GPR158: variants seen among roughly 807,000 people sequenced by gnomAD.
GPR158 encodes G protein-coupled receptor 158.
In GPR158, 30 loss-of-function variants were observed where a neutral mutation model predicts 78.2. That is an observed-to-expected ratio of 0.38 (90% CI 0.29 to 0.52). The LOEUF is 0.52. Among genes scored for constraint, GPR158 ranks in the 20% least tolerant of loss-of-function variants. The pLI, the probability that GPR158 is intolerant of heterozygous loss-of-function variation, is 0.83. For synonymous variants in GPR158, 581 were observed against 591.1 expected (o/e 0.98, Z 0.25); for missense variants, 1,463 against 1,523.5 (o/e 0.96, Z 0.66).
At chr10:25,581,991 C>G (rs866495060) in intron 7 of GPR158, among the ~76,000 whole-genome samples, 2 of 151,998 alleles carry the variant, frequency 1.3e-5, no homozygotes, top group African/African-American at 4.8e-5. Flanking sequence ...CGGCAGGCAA[C>G]GAGAGAATGA....
intron 5 of GPR158, among the ~76,000 whole-genome samples, chr10:25,494,708 T>C (rs1378608266): frequency 2.0e-5 from 3 of 152,146 alleles, no homozygotes; most frequent in East Asian, 1.9e-4. Context: ...TTTAAACCAC[T>C]CCACAGCAAA....
intron 2 of GPR158, among the ~76,000 whole-genome samples, chr10:25,292,505 C>T (rs1472291152): frequency 6.8e-6 from 1 of 146,130 alleles, no homozygotes; most frequent in African/African-American, 2.7e-5. Flanking sequence ...TTCAATGCAA[C>T]CTTCCAGCAC....
intron 5 of GPR158, among the ~76,000 whole-genome samples, chr10:25,472,017 G>A (rs542989925): frequency 0.011 from 1,619 of 152,060 alleles, 28 homozygotes; most frequent in African/African-American, 0.037. Context: ...TTTTGGTGTT[G>A]TAGACATGAA....
chr10:25,376,054 T>C (rs1834075071), intron 2 of GPR158, among the ~76,000 whole-genome samples: 1 of 151,620 alleles, frequency 6.6e-6, no homozygotes, highest in African/African-American at 2.4e-5. Flanking sequence ...TTTGATTTCT[T>C]TAGCAGCATT....
intron 2 of GPR158, among the ~76,000 whole-genome samples, chr10:25,233,149 C>T (rs1035840310): frequency 3.9e-5 from 6 of 152,144 alleles, no homozygotes; most frequent in Admixed American, 3.9e-4. Context: ...GGATTTTGGT[C>T]CATGCGCTGT....
chr10:25,348,980 G>A (rs1483218318), intron 2 of GPR158, among the ~76,000 whole-genome samples: 1 of 152,010 alleles, frequency 6.6e-6, no homozygotes, highest in Non-Finnish European at 1.5e-5. Context: ...CTGATGGTCT[G>A]TGAAGAGGTG....
chr10:25,324,290 C>A (rs1440643316), intron 2 of GPR158, among the ~76,000 whole-genome samples: 1 of 152,186 alleles, frequency 6.6e-6, no homozygotes, highest in South Asian at 2.1e-4. Context: ...GAGAGACATG[C>A]AACTATTCCT....
intron 2 of GPR158, among the ~76,000 whole-genome samples, chr10:25,233,563 G>C (rs963254008): frequency 6.6e-6 from 1 of 152,186 alleles, no homozygotes; most frequent in Non-Finnish European, 1.5e-5. Context: ...GAGCAACCCT[G>C]CTTATGGGCT....
intron 2 of GPR158, among the ~76,000 whole-genome samples, chr10:25,379,189 G>A (rs965143890): frequency 1.3e-5 from 2 of 152,068 alleles, no homozygotes; most frequent in African/African-American, 2.4e-5. Context: ...TATTAATTTA[G>A]ATTTACTCGC....
At chr10:25,293,831 C>T (rs1044294652) in intron 2 of GPR158, among the ~76,000 whole-genome samples, 13 of 151,842 alleles carry the variant, frequency 8.6e-5, no homozygotes, top group African/African-American at 2.7e-4. Flanking sequence ...CTGAAACCTC[C>T]GCCTCCTGGG....
At chr10:25,557,587 C>T (rs1482890372) in intron 6 of GPR158, among the ~76,000 whole-genome samples, 2 of 152,044 alleles carry the variant, frequency 1.3e-5, no homozygotes, top group Non-Finnish European at 2.9e-5. Context: ...TGCAGAGGCC[C>T]CCAGCTAAAT....
At chr10:25,377,234 T>A (rs1834093014) in intron 2 of GPR158, among the ~76,000 whole-genome samples, 1 of 151,932 alleles carries the variant, frequency 6.6e-6, no homozygotes, top group Non-Finnish European at 1.5e-5. Flanking sequence ...CTTTTTTGTT[T>A]CTCTGTGTTT....
chr10:25,320,618 A>G (rs1349174070), intron 2 of GPR158, among the ~76,000 whole-genome samples: 1 of 152,180 alleles, frequency 6.6e-6, no homozygotes, highest in African/African-American at 2.4e-5. Context: ...CTGGTGTGTG[A>G]GTATGGCCTT....
At chr10:25,245,758 A>T (rs1199933157) in intron 2 of GPR158, among the ~76,000 whole-genome samples, 1 of 152,252 alleles carries the variant, frequency 6.6e-6, no homozygotes, top group Non-Finnish European at 1.5e-5. Context: ...TGTTTCCAAC[A>T]TAATCTTTTA....
intron 2 of GPR158, among the ~76,000 whole-genome samples, chr10:25,383,618 C>G (rs1343059056): frequency 6.6e-6 from 1 of 152,158 alleles, no homozygotes; most frequent in African/African-American, 2.4e-5. Flanking sequence ...AAAATTGTAA[C>G]AGGTGTGGGA....
At chr10:25,380,030 G>C (rs1254318164) in intron 2 of GPR158, among the ~76,000 whole-genome samples, 1 of 151,678 alleles carries the variant, frequency 6.6e-6, no homozygotes, top group Non-Finnish European at 1.5e-5. Flanking sequence ...AGGTGCTACA[G>C]CTTGCTAACA....
intron 2 of GPR158, among the ~76,000 whole-genome samples, chr10:25,232,712 T>C (rs964872206): frequency 6.6e-6 from 1 of 152,182 alleles, no homozygotes; most frequent in Admixed American, 6.5e-5. Flanking sequence ...ACATGAAGTA[T>C]TGAGATCACT....
rs373369074 is a variant in GPR158 at position 25,271,344 on chromosome 10, A to C, written c.1008+50187A>C. ...TTACTTATGTCTGTCTCTCTCACTA[A>C]ACTTTAAGCTACATGTGTCTGTTCT... On this transcript the variant is annotated intron_variant, in intron 2 of 10. Coordinates refer to ENST00000376351, the MANE Select transcript of GPR158 (RefSeq NM_020752.3). 2.0e-5 allele frequency among the ~76,000 whole-genome samples: 3 copies of C among 152,302 alleles called. No homozygotes were observed. The East Asian group carries it at 5.8e-4, about 29-fold the overall frequency.
chr10:25,480,560 G>C (rs824611), intron 5 of GPR158, among the ~76,000 whole-genome samples: 104,333 of 152,072 alleles, frequency 0.69, 36,231 homozygotes, highest in East Asian at 0.99. Context: ...CTTTTCCAGG[G>C]CCTTCACATG....
Sources: allele counts gnomAD v4.1 joint callset (sites outside exome capture counted in the v4.1 genomes callset), GRCh38; gene constraint gnomAD v4.1.1; transcripts MANE v1.5; gene names NCBI Gene and HGNC (gene_info 2026-07-23, HGNC 2026-07-21).